The following STK3 variants were observed in gnomAD, a reference collection of about 807,000 sequenced individuals.
STK3 encodes serine/threonine kinase 3, also known as serine/threonine-protein kinase 3.
A neutral mutation model predicts 58.0 loss-of-function variants in STK3; 41 were observed. The observed-to-expected ratio is 0.71, with a 90% confidence interval of 0.55 to 0.92. STK3 has a LOEUF of 0.92. Ranked by LOEUF, STK3 falls within the 40% of genes least tolerant of loss-of-function variation. STK3 has a pLI of 0.00. For synonymous variants in STK3, 170 were observed against 191.0 expected (o/e 0.89, Z 0.91); for missense variants, 479 against 602.7 (o/e 0.79, Z 2.15).
chr8:98,532,654 T>C (rs1826249247), intron 9 of STK3, among the ~76,000 whole-genome samples: 1 of 152,150 alleles, frequency 6.6e-6, no homozygotes, highest in South Asian at 2.1e-4. Flanking sequence ...AAAAGCAAAT[T>C]GCAATAATGA....
In STK3 at chr8:98,627,170, G is replaced by A. The variant is rs1818783256; in HGVS notation, c.685-31001C>T. ...AAGCCCAGCAGATCACTTGAACTCA[G>A]GGGTTCAAGACCAGCCTGGCCAACA... On this transcript the variant is annotated intron_variant, in intron 6 of 10. Coordinates refer to ENST00000419617, the MANE Select transcript of STK3 (RefSeq NM_006281.4). Among the ~76,000 whole-genome samples the A allele has an allele frequency of 3.9e-5, 6 of 152,162 alleles. No individual in the cohort carries two copies. In the South Asian group the frequency reaches 1.2e-3, roughly 32 times the overall value.
chr8:98,651,610 G>A (rs568752526), intron 6 of STK3: 4 of 151,682 alleles, frequency 2.6e-5, no homozygotes, highest in East Asian at 3.9e-4. Flanking sequence ...TTAGACGAAT[G>A]TATAACTAGA....
intron 4 of STK3, among the ~76,000 whole-genome samples, chr8:98,710,884 G>C (rs1248963133): frequency 6.6e-6 from 1 of 152,206 alleles, no homozygotes; most frequent in Non-Finnish European, 1.5e-5. Flanking sequence ...CTGGGAGGCA[G>C]CCCCAAGTAG....
At chr8:98,923,866 CGCGCGCGCGCGT>C (rs1839678705) in intron 1 of STK3, among the ~76,000 whole-genome samples, 1 of 131,702 alleles carries the variant, frequency 7.6e-6, no homozygotes. Context: ...CGCGCGCGCG[CGCGCGCGCGCGT>C]TGACAATGAT....
intron 4 of STK3, among the ~76,000 whole-genome samples, chr8:98,710,642 G>T (rs1449958270): frequency 2.6e-5 from 4 of 152,252 alleles, no homozygotes; most frequent in South Asian, 4.1e-4. Context: ...AAAGCAGCCA[G>T]GAAGCTCAAA....
At chr8:98,482,658 T>G (rs1377890424) in intron 10 of STK3, among the ~76,000 whole-genome samples, 1 of 151,952 alleles carries the variant, frequency 6.6e-6, no homozygotes, top group Non-Finnish European at 1.5e-5. Context: ...TGCCTAACTC[T>G]CCACATATGT....
At chr8:98,718,844 G>A (rs1237660540) in intron 4 of STK3, among the ~76,000 whole-genome samples, 2 of 151,532 alleles carry the variant, frequency 1.3e-5, no homozygotes, top group African/African-American at 2.4e-5. Flanking sequence ...TTTTAATGTG[G>A]CTACTCAAAA....
At chr8:98,355,478 A>G in the STK3 span, among the ~76,000 whole-genome samples, 1 of 152,336 alleles carries the variant, frequency 6.6e-6, no homozygotes, top group East Asian at 1.9e-4. Flanking sequence ...CTGATCCAAT[A>G]AACTGGGTCG....
At chr8:98,779,792 TG>T (rs1468169599) in intron 1 of STK3, among the ~76,000 whole-genome samples, 1 of 152,208 alleles carries the variant, frequency 6.6e-6, no homozygotes, top group East Asian at 1.9e-4. Context: ...ATATCTTACT[TG>T]CCCAGTCTTT....
chr8:98,564,852 A>T (rs1436845631), intron 8 of STK3, among the ~76,000 whole-genome samples: 1 of 152,162 alleles, frequency 6.6e-6, no homozygotes, highest in Non-Finnish European at 1.5e-5. Context: ...AACATTAGGT[A>T]AAAACTAAGT....
At chr8:98,845,766 C>T (rs147426769) in intron 3 of STK3, among the ~76,000 whole-genome samples, 1 of 152,288 alleles carries the variant, frequency 6.6e-6, no homozygotes, top group Non-Finnish European at 1.5e-5. Context: ...CCAGTTTAAG[C>T]AGAGAGATAC....
chr8:98,350,235 G>A, the STK3 span, among the ~76,000 whole-genome samples: 1 of 152,108 alleles, frequency 6.6e-6, no homozygotes, highest in Non-Finnish European at 1.5e-5. Flanking sequence ...GGGGCAAAAT[G>A]CCACCAGTCT....
chr8:98,853,588 G>A (rs1001535753), intron 3 of STK3, among the ~76,000 whole-genome samples: 2 of 152,078 alleles, frequency 1.3e-5, no homozygotes, highest in Non-Finnish European at 2.9e-5. Flanking sequence ...TTGCTCCATG[G>A]GTTGCTGACC....
At chr8:98,655,087 C>G (rs1265345348) in intron 6 of STK3, among the ~76,000 whole-genome samples, 3 of 151,766 alleles carry the variant, frequency 2.0e-5, no homozygotes, top group African/African-American at 7.3e-5. Context: ...TCAAACTATA[C>G]TACAAGGCTA....
chr8:98,879,825 A>G (rs1456042160), downstream of STK3: 1 of 152,264 alleles, frequency 6.6e-6, no homozygotes, highest in Non-Finnish European at 1.5e-5. Context: ...ATAACATGAT[A>G]ATTAATATAT....
At chr8:98,497,645 A>G (rs1057394690) in intron 10 of STK3, among the ~76,000 whole-genome samples, 15 of 152,200 alleles carry the variant, frequency 9.9e-5, no homozygotes, top group Non-Finnish European at 2.1e-4. Context: ...GTCTGAATAG[A>G]CATTTCTCCA....
intron 6 of STK3, among the ~76,000 whole-genome samples, chr8:98,689,662 A>C (rs1188381028): frequency 1.3e-5 from 2 of 152,154 alleles, no homozygotes; most frequent in Non-Finnish European, 2.9e-5. Flanking sequence ...ACATGCTTAT[A>C]GTCCTAGCTA....
intron 1 of STK3, among the ~76,000 whole-genome samples, chr8:98,810,000 C>G (rs931019847): frequency 1.3e-5 from 2 of 152,140 alleles, no homozygotes; most frequent in African/African-American, 4.8e-5. Context: ...AGCTTCCAAC[C>G]ATGGTGGAAG....
At chr8:98,798,963 T>C (rs972918271) in intron 1 of STK3, among the ~76,000 whole-genome samples, 5 of 152,112 alleles carry the variant, frequency 3.3e-5, no homozygotes, top group East Asian at 1.9e-4. Flanking sequence ...CAAGACACTA[T>C]CTTGGAGGCA....
Sources: allele counts gnomAD v4.1 joint callset (sites outside exome capture counted in the v4.1 genomes callset), GRCh38; gene constraint gnomAD v4.1.1; transcripts MANE v1.5; gene names NCBI Gene and HGNC (gene_info 2026-07-23, HGNC 2026-07-21).